Variants in ASAP2 observed in about 807,000 individuals in gnomAD.
ASAP2 encodes the protein arf-GAP with SH3 domain, ANK repeat and PH domain-containing protein 2.
A neutral mutation model predicts 131.4 loss-of-function variants in ASAP2; 45 were observed. The observed-to-expected ratio is 0.34, with a 90% CI of 0.27 to 0.44. ASAP2 has a LOEUF of 0.44. ASAP2 is among the 20% of genes least tolerant of loss of function. The probability of loss-of-function intolerance (pLI) is 1.00; values close to 1 mark genes in which losing one functional copy is unlikely to be tolerated. For synonymous variants in ASAP2, 510 were observed against 503.0 expected (o/e 1.01, Z -0.19); for missense variants, 1,011 against 1,297.0 (o/e 0.78, Z 3.39).
chr2:9,378,222 G>A (rs2148728422), intron 18 of ASAP2, among the ~76,000 whole-genome samples: 2 of 152,282 alleles, frequency 1.3e-5, no homozygotes, highest in South Asian at 4.1e-4. Context: ...TTTGTGCAGG[G>A]GCACAAAGCT....
chr2:9,266,511 G>C (rs905558178), intron 1 of ASAP2, among the ~76,000 whole-genome samples: 2 of 152,082 alleles, frequency 1.3e-5, no homozygotes, highest in African/African-American at 4.8e-5. Flanking sequence ...CTGTGCGGGT[G>C]GTGGGCGTCT....
chr2:9,400,904 G>T, intron 26 of ASAP2, 74 bp downstream of exon 26: 1 of 1,434,732 alleles, frequency 7.0e-7, no homozygotes, highest in Non-Finnish European at 9.7e-7. Flanking sequence ...AGGGCTCAGG[G>T]GAAGCAAGTC....
At chr2:9,301,586 T>C (rs975097802) in intron 3 of ASAP2, among the ~76,000 whole-genome samples, 7 of 152,190 alleles carry the variant, frequency 4.6e-5, no homozygotes, top group Non-Finnish European at 8.8e-5. Flanking sequence ...TTGTTACAGA[T>C]ATGTAGTCTC....
chr2:9,397,750 A>ATATATATATATT (rs1343127000), intron 24 of ASAP2, among the ~76,000 whole-genome samples: 2 of 44,808 alleles, frequency 4.5e-5, no homozygotes, highest in African/African-American at 1.7e-4. Context: ...ATATATATAT[A>ATATATATATATT]TTTTTTTTTT....
In ASAP2 at chr2:9,391,168, G is replaced by T; in HGVS notation, c.2490G>T (p.Pro830=). The change falls in exon 23 of 28, where the codon CCG becomes CCT. Residue 830 remains proline (P), a synonymous_variant. Transcript: ENST00000281419. ...SSSDPPAVHP[P]LPPLRVTSTN... ...CAGATCCGCCAGCTGTCCATCCACCGCTGCCCCCTCTTCGCGTGACATCTA... is the reference window on the plus strand; with the variant it reads ...CAGATCCGCCAGCTGTCCATCCACCTCTGCCCCCTCTTCGCGTGACATCTA... 1 of 1,614,032 alleles carries T rather than the reference G, an allele frequency of 6.2e-7. No homozygotes were observed. Among genetic ancestry groups the T allele is most frequent in the African/African-American group, 1.3e-5 (1 of 75,058 alleles).
chr2:9,387,224 A>C lies in ASAP2; in HGVS notation c.2131-1070A>C, dbSNP rs1458447279. On this transcript the variant is annotated intron_variant, in intron 21 of 27. Coordinates refer to ENST00000281419, the MANE Select transcript of ASAP2 (RefSeq NM_003887.3). ...GAGAGACTCTGTCTCAAAAAAAAAA[A>C]AAACCATATAACCTTCAGGGGGGAG... is the stretch of plus-strand genomic sequence containing the variant. Among the ~76,000 whole-genome samples the C allele has an allele frequency of 2.0e-5, 3 of 151,564 alleles. No individual in the cohort carries two copies. In the South Asian group the frequency reaches 6.3e-4, roughly 32 times the overall value.
At chr2:9,348,480 T>C (rs184157008) in intron 11 of ASAP2, among the ~76,000 whole-genome samples, 66 of 152,336 alleles carry the variant, frequency 4.3e-4, no homozygotes, top group Admixed American at 7.2e-4. Flanking sequence ...TAGAATTTTC[T>C]CCCATAAATT....
chr2:9,217,422 A>G lies in ASAP2; in HGVS notation c.126+10192A>G, dbSNP rs939281684. 6.6e-6 allele frequency among the ~76,000 whole-genome samples: 1 copy of G among 152,170 alleles called. No individual in the cohort carries two copies. Among genetic ancestry groups the G allele is most frequent in the Admixed American group, 6.5e-5 (1 of 15,270 alleles). ...GGAGGCCTTCCCTGCTAACAGTGTT[A>G]ATAACGATGTCATTTTTCCACTCCA... On this transcript the variant is annotated intron_variant, in intron 1 of 27. Transcript: ENST00000281419. This position sits in a 1 kb window ranked among gnomAD's most constrained non-coding sequence, Gnocchi z 4.0.
chr2:9,256,994 C>T (rs972289182), intron 1 of ASAP2, among the ~76,000 whole-genome samples: 1 of 152,202 alleles, frequency 6.6e-6, no homozygotes, highest in African/African-American at 2.4e-5. Flanking sequence ...TGGAGTGCCT[C>T]CTGCCTGCTA....
In ASAP2 at chr2:9,207,275, C is replaced by T; in HGVS notation, c.126+45C>T. The T allele has an allele frequency of 6.8e-7, 1 of 1,468,402 alleles. No individual in the cohort carries two copies. Among genetic ancestry groups the T allele is most frequent in the Non-Finnish European group, 9.0e-7 (1 of 1,115,326 alleles). 91.0% of individuals were successfully genotyped at this position (1,468,402 alleles called of 1,614,324 possible). A position where few individuals can be genotyped will look rare whatever the true frequency, so the allele number is the denominator to read the frequency against. On this transcript the variant is annotated intron_variant, in intron 1 of 27. Coordinates refer to ENST00000281419, the MANE Select transcript of ASAP2 (RefSeq NM_003887.3). The surrounding 1 kb of genome is among the most constrained non-coding windows in gnomAD (Gnocchi z 4.1). ...GGCTCCGGCCGCAGGTATCCCGCGC[C>T]CCAGCCCCGCCCGCCGCTCCCGCAT...
intron 9 of ASAP2, among the ~76,000 whole-genome samples, chr2:9,343,481 C>T (rs578066416): frequency 1.6e-4 from 24 of 152,314 alleles, no homozygotes; most frequent in South Asian, 1.4e-3. Context: ...AGGTCTCGCT[C>T]TGTCACTGAG....
intron 15 of ASAP2, among the ~76,000 whole-genome samples, chr2:9,364,095 A>G (rs1673278184): frequency 1.3e-5 from 2 of 152,224 alleles, no homozygotes; most frequent in Non-Finnish European, 2.9e-5. Flanking sequence ...TTTTCAGGTC[A>G]TATGAAAAAC....
chr2:9,401,713 G>C (rs1676690200), intron 27 of ASAP2, among the ~76,000 whole-genome samples: 1 of 152,198 alleles, frequency 6.6e-6, no homozygotes, highest in African/African-American at 2.4e-5. Flanking sequence ...TGCTGGATTA[G>C]TGGAATCGGG....
rs1675518853 is a variant in ASAP2, at chr2:9,389,041, C to T, written c.2383+495C>T. On this transcript the variant is annotated intron_variant, in intron 22 of 27. Transcript: ENST00000281419. The surrounding 1 kb of genome is among the most constrained non-coding windows in gnomAD (Gnocchi z 4.7). ...GCCTAATTGTAAAATACAAAACCAGCCCTGTGGGCCTACCAGTGTCTTAGG... is the reference window on the plus strand; with the variant it reads ...GCCTAATTGTAAAATACAAAACCAGTCCTGTGGGCCTACCAGTGTCTTAGG... Among the ~76,000 whole-genome samples, 1 of 152,234 alleles carries T rather than the reference C, an allele frequency of 6.6e-6. No homozygotes were observed. The highest frequency in any genetic ancestry group is 6.5e-5 in the Admixed American group (1 of 15,282).
intron 3 of ASAP2, among the ~76,000 whole-genome samples, chr2:9,317,685 C>T (rs1468594290): frequency 6.6e-6 from 1 of 150,906 alleles, no homozygotes; most frequent in South Asian, 2.1e-4. Context: ...TAATCACATC[C>T]TGAAACCCTC....
chr2:9,381,759 T>C (rs904200558), intron 20 of ASAP2, among the ~76,000 whole-genome samples: 5 of 151,902 alleles, frequency 3.3e-5, no homozygotes, highest in Non-Finnish European at 7.4e-5. Flanking sequence ...TCGAATTAGC[T>C]GGGTGTGGTG....
intron 9 of ASAP2, among the ~76,000 whole-genome samples, chr2:9,343,290 C>T (rs567753089): frequency 2.0e-5 from 3 of 152,194 alleles, no homozygotes; most frequent in South Asian, 2.1e-4. Flanking sequence ...TAAACACCTA[C>T]GAGCAGCCCT....
In ASAP2 at chr2:9,403,966, G is replaced by C. The variant is rs940700987; in HGVS notation, c.*639G>C. On this transcript the variant is annotated 3_prime_UTR_variant, in exon 28 of 28. Coordinates refer to ENST00000281419, the MANE Select transcript of ASAP2 (RefSeq NM_003887.3). Reference sequence around the variant, plus strand: ...AATCATACTTAACAAAACTACTGATGGTTTATGACAACGTAGGGTAACTAC... The same window carrying C: ...AATCATACTTAACAAAACTACTGATCGTTTATGACAACGTAGGGTAACTAC... The C allele has an allele frequency of 4.6e-5, 7 of 152,234 alleles. No individual in the cohort carries two copies. Among genetic ancestry groups the C allele is most frequent in the African/African-American group, 1.7e-4 (7 of 41,448 alleles). The allele number at this position is 152,234 out of a possible 1,614,324, so 9.4% of individuals were successfully genotyped here.
intron 5 of ASAP2, among the ~76,000 whole-genome samples, chr2:9,321,639 G>T (rs1011304474): frequency 6.6e-6 from 1 of 152,096 alleles, no homozygotes; most frequent in Non-Finnish European, 1.5e-5. Flanking sequence ...CTTGCTGCCC[G>T]TCTCTGTGGC....
Sources: gnomAD v4.1 joint callset for allele counts (sites outside exome capture counted in the v4.1 genomes callset) on GRCh38, gnomAD v4.1.1 for gene constraint, Gnocchi (gnomAD v3.1) non-coding constraint, MANE v1.5 for transcripts, NCBI Gene and HGNC (gene_info 2026-07-23, HGNC 2026-07-21) for gene names.